The following PCDH15 variants were observed in gnomAD, a reference collection of about 807,000 sequenced individuals.
The protein encoded by PCDH15 is protocadherin-15.
A neutral mutation model predicts 178.5 loss-of-function variants in PCDH15; 129 were observed. The ratio of observed to expected loss-of-function variants is 0.72; its 90% CI spans 0.63 to 0.84. PCDH15 has a LOEUF of 0.84. Ranked by LOEUF, PCDH15 falls within the 40% of genes least tolerant of loss-of-function variation. The pLI, the probability that PCDH15 is intolerant of heterozygous loss-of-function variation, is 0.00. For missense variants in PCDH15, 2,230 were observed against 2,099.9 expected (o/e 1.06, Z -1.21); for synonymous variants, 800 against 732.0 (o/e 1.09, Z -1.50).
intron 2 of PCDH15, among the ~76,000 whole-genome samples, chr10:55,341,805 A>AT (rs869187882): frequency 7.3e-4 from 12 of 16,330 alleles, no homozygotes; most frequent in Non-Finnish European, 1.4e-3. Context: ...ATATATATAT[A>AT]TTTTTTTTTT....
At chr10:55,290,754 A>G (rs1404003467) in intron 1 of PCDH15, among the ~76,000 whole-genome samples, 1 of 152,098 alleles carries the variant, frequency 6.6e-6, no homozygotes, top group Non-Finnish European at 1.5e-5. Flanking sequence ...AGTGACAGTT[A>G]CAATAATATA....
chr10:54,778,484 C>T (rs1381354162), intron 1 of PCDH15, among the ~76,000 whole-genome samples: 4 of 152,046 alleles, frequency 2.6e-5, no homozygotes, highest in Non-Finnish European at 5.9e-5. Flanking sequence ...TGGAATGAAA[C>T]CACAAAGTCT....
chr10:54,738,460 T>G (rs1234525232), intron 1 of PCDH15, among the ~76,000 whole-genome samples: 3 of 152,064 alleles, frequency 2.0e-5, no homozygotes, highest in Admixed American at 2.0e-4. Context: ...AGGTAAAACA[T>G]GAATTTACTT....
rs2091256481 is a variant in PCDH15 at position 54,583,931 on chromosome 10, A to G, written c.92-56054T>C. Among the ~76,000 whole-genome samples, 8 of 152,286 alleles carry G rather than the reference A, an allele frequency of 5.3e-5. No homozygotes were observed. In the South Asian group the frequency reaches 1.7e-3, roughly 32 times the overall value. ...TATCATTTAAAATTAAGATTCGACTAAAAGATCAATAGAAAAATATTTGAT... is the reference window on the plus strand; with the variant it reads ...TATCATTTAAAATTAAGATTCGACTGAAAGATCAATAGAAAAATATTTGAT... On this transcript the variant is annotated intron_variant, in intron 2 of 37. Coordinates refer to ENST00000644397, the MANE Select transcript of PCDH15 (RefSeq NM_001384140.1).
chr10:55,485,684 C>T (rs149780306), intron 2 of PCDH15, among the ~76,000 whole-genome samples: 58 of 151,432 alleles, frequency 3.8e-4, no homozygotes, highest in Non-Finnish European at 6.6e-4. Flanking sequence ...GTCAAGGAGG[C>T]GCCTGCAATC....
intron 3 of PCDH15, among the ~76,000 whole-genome samples, chr10:54,421,929 C>CTATATA (rs71007853): frequency 9.5e-6 from 1 of 105,732 alleles, no homozygotes; most frequent in Non-Finnish European, 1.8e-5. Context: ...TATATATACA[C>CTATATA]TATATATATA....
chr10:54,420,316 A>G (rs1271157254), intron 3 of PCDH15, among the ~76,000 whole-genome samples: 1 of 152,124 alleles, frequency 6.6e-6, no homozygotes. Context: ...AATGCCAAAG[A>G]TATGTCATTT....
Position 53,862,214 on chromosome 10 carries a change from G to T in PCDH15, c.3717+4428C>A, listed in dbSNP as rs145915254. On this transcript the variant is annotated intron_variant, in intron 27 of 37. Coordinates refer to ENST00000644397, the MANE Select transcript of PCDH15 (RefSeq NM_001384140.1). ...TTACAGGTGCCCATCACCACACCTGGCTAATTTTGAATTTTTAATAGAGAC... is the reference window on the plus strand; with the variant it reads ...TTACAGGTGCCCATCACCACACCTGTCTAATTTTGAATTTTTAATAGAGAC... Among the ~76,000 whole-genome samples, 1,352 of 152,056 alleles carry T rather than the reference G, an allele frequency of 8.9e-3. 16 individuals are homozygous for T. Among genetic ancestry groups the T allele is most frequent in the African/African-American group, 0.015 (640 of 41,480 alleles).
At chr10:55,188,963 A>T (rs911598922) in intron 1 of PCDH15, among the ~76,000 whole-genome samples, 2 of 151,934 alleles carry the variant, frequency 1.3e-5, no homozygotes, top group African/African-American at 4.8e-5. Flanking sequence ...CAATTAAAAA[A>T]ATAAAAAAGA....
In PCDH15 at chr10:54,923,549, G is replaced by A. The variant is rs138865755; in HGVS notation, c.-79-26049C>T. On this transcript the variant is annotated intron_variant, in intron 2 of 5. Coordinates refer to the PCDH15 transcript ENST00000458638. ...CATGACCATTTCCTTGTGAGTACAT[G>A]TGAGCTTATGCTCTTAGAAGCAGCC... Among the ~76,000 whole-genome samples the A allele has an allele frequency of 3.6e-5, 5 of 137,734 alleles. 1 individual carries two copies. The highest frequency in any genetic ancestry group is 1.3e-4 in the African/African-American group (5 of 39,946). 90.4% of individuals were successfully genotyped at this position (137,734 alleles called of 152,430 possible). A position where few individuals can be genotyped will look rare whatever the true frequency, so the allele number is the denominator to read the frequency against.
At chr10:55,308,212 C>T (rs998882447) in intron 1 of PCDH15, among the ~76,000 whole-genome samples, 5 of 152,076 alleles carry the variant, frequency 3.3e-5, no homozygotes, top group South Asian at 2.1e-4. Flanking sequence ...TAATTCTCTC[C>T]ATGGGCCCTT....
intron 14 of PCDH15, among the ~76,000 whole-genome samples, chr10:54,135,629 G>T (rs748371495): frequency 6.6e-6 from 1 of 152,058 alleles, no homozygotes; most frequent in African/African-American, 2.4e-5. Context: ...CTTCTTTTAG[G>T]GTCTGTTGTT....
intron 2 of PCDH15, among the ~76,000 whole-genome samples, chr10:55,559,378 A>T (rs1401189047): frequency 1.3e-5 from 2 of 152,012 alleles, no homozygotes; most frequent in African/African-American, 4.8e-5. Context: ...GTAGAGTTTT[A>T]TTTTTAAAGA....
chr10:54,899,532 T>G (rs1379171962), intron 2 of PCDH15, among the ~76,000 whole-genome samples: 3 of 130,698 alleles, frequency 2.3e-5, no homozygotes, highest in African/African-American at 8.6e-5. Context: ...AGTCTCACCC[T>G]GTGGCCCAGG....
chr10:54,099,513 A>AAAAAAAAAATAT (rs1347306483), intron 15 of PCDH15, among the ~76,000 whole-genome samples: 51 of 117,856 alleles, frequency 4.3e-4, no homozygotes, highest in African/African-American at 6.5e-4. Context: ...AAAAAAAAAA[A>AAAAAAAAAATAT]ATATATATAT....
chr10:55,358,687 T>A (rs1845141585), intron 2 of PCDH15, among the ~76,000 whole-genome samples: 1 of 152,112 alleles, frequency 6.6e-6, no homozygotes, highest in Admixed American at 6.6e-5. Flanking sequence ...AATTTTGGTT[T>A]AAAGAAATTT....
chr10:55,189,280 T>C (rs1839880366), intron 1 of PCDH15, among the ~76,000 whole-genome samples: 1 of 151,934 alleles, frequency 6.6e-6, no homozygotes, highest in African/African-American at 2.4e-5. Context: ...CTAAAAAAAT[T>C]GACAATAGGA....
intron 2 of PCDH15, among the ~76,000 whole-genome samples, chr10:55,099,357 G>T (rs550960430): frequency 4.2e-4 from 64 of 151,980 alleles, no homozygotes; most frequent in Non-Finnish European, 7.4e-4. Context: ...GCTGATTGGA[G>T]AAACTGGACT....
At chr10:54,778,094 A>T (rs891828843) in intron 1 of PCDH15, among the ~76,000 whole-genome samples, 3 of 152,218 alleles carry the variant, frequency 2.0e-5, no homozygotes, top group Non-Finnish European at 4.4e-5. Context: ...AAATTGCCAT[A>T]TGCAAGATGC....
Sources: allele counts gnomAD v4.1 joint callset (sites outside exome capture counted in the v4.1 genomes callset), GRCh38; gene constraint gnomAD v4.1.1; transcripts MANE v1.5; gene names NCBI Gene and HGNC (gene_info 2026-07-23, HGNC 2026-07-21).